Variants in ARHGAP26 observed in about 807,000 individuals in gnomAD.
ARHGAP26 encodes the protein Rho GTPase activating protein 26.
In ARHGAP26, 38 loss-of-function variants were observed where a neutral mutation model predicts 104.8. That is an observed-to-expected ratio of 0.36 (90% CI 0.28 to 0.48). ARHGAP26 has a LOEUF of 0.48. Among genes scored for constraint, ARHGAP26 ranks in the 20% least tolerant of loss-of-function variants. The pLI is 0.99. For synonymous variants in ARHGAP26, 341 were observed against 340.0 expected (o/e 1.00, Z -0.03); for missense variants, 704 against 947.9 (o/e 0.74, Z 3.38).
intron 12 of ARHGAP26, among the ~76,000 whole-genome samples, chr5:143,028,593 A>G (rs1781408619): frequency 6.6e-6 from 1 of 152,214 alleles, no homozygotes; most frequent in African/African-American, 2.4e-5. Flanking sequence ...TCATGTATTG[A>G]ATACCAAGTA....
intron 6 of ARHGAP26, among the ~76,000 whole-genome samples, chr5:142,897,888 A>T (rs2152440978): frequency 6.6e-6 from 1 of 152,306 alleles, no homozygotes; most frequent in South Asian, 2.1e-4. Context: ...TTGATTGCTT[A>T]CAGGTGGGAA....
intron 11 of ARHGAP26, among the ~76,000 whole-genome samples, chr5:142,942,585 G>A (rs2152562659): frequency 6.6e-6 from 1 of 152,176 alleles, no homozygotes; most frequent in Admixed American, 6.5e-5. Flanking sequence ...AAAATAAAAA[G>A]GTTTTTTGTT....
chr5:143,080,868 G>T (rs1166628125), intron 17 of ARHGAP26, among the ~76,000 whole-genome samples: 1 of 152,146 alleles, frequency 6.6e-6, no homozygotes, highest in African/African-American at 2.4e-5. Flanking sequence ...TGTTGGGGAG[G>T]CTGAAGCAGT....
chr5:142,955,172 G>T (rs1769043592), intron 11 of ARHGAP26, among the ~76,000 whole-genome samples: 1 of 151,904 alleles, frequency 6.6e-6, no homozygotes, highest in African/African-American at 2.4e-5. Context: ...GTGTTGGCAT[G>T]TGCCTTACTC....
chr5:143,143,526 A>C (rs1398951240), intron 19 of ARHGAP26, among the ~76,000 whole-genome samples: 1 of 152,240 alleles, frequency 6.6e-6, no homozygotes, highest in Non-Finnish European at 1.5e-5. Context: ...CAAAAAACAA[A>C]AACTCTGCCC....
In ARHGAP26 at chr5:143,226,485, GAAAAAAAAA is replaced by G. The variant is rs57822966; in HGVS notation, c.*4052_*4060del. On this transcript the variant is annotated 3_prime_UTR_variant, in exon 23 of 23. Coordinates refer to ENST00000645722, the MANE Select transcript of ARHGAP26 (RefSeq NM_001135608.3). ...GACAGAGCCAGACTCCGTCTCAAAG[GAAAAAAAAA>G]AAAAAAAAAAAAGAATGCCATGCCA... 3 of 139,290 alleles carry G rather than the reference GAAAAAAAAA, an allele frequency of 2.2e-5. No homozygotes were observed. The highest frequency in any genetic ancestry group is 2.1e-4 in the East Asian group (2 of 9,402). 8.6% of individuals were successfully genotyped at this position (139,290 alleles called of 1,614,324 possible).
chr5:142,943,645 C>T (rs1308257354), intron 11 of ARHGAP26, among the ~76,000 whole-genome samples: 7 of 152,110 alleles, frequency 4.6e-5, no homozygotes, highest in African/African-American at 1.7e-4. Context: ...ACCATAATGC[C>T]CACCTACCTT....
intron 21 of ARHGAP26, among the ~76,000 whole-genome samples, chr5:143,210,756 G>T (rs1458050582): frequency 6.6e-6 from 1 of 152,220 alleles, no homozygotes; most frequent in African/African-American, 2.4e-5. Context: ...TGCAAGGTTT[G>T]CAAGGGCATT....
At chr5:143,094,772 A>G (rs1792049691) in intron 17 of ARHGAP26, among the ~76,000 whole-genome samples, 1 of 152,000 alleles carries the variant, frequency 6.6e-6, no homozygotes, top group African/African-American at 2.4e-5. Flanking sequence ...AAAGAGAGTG[A>G]TGGGGTGAGT....
chr5:142,955,124 A>ACACACACAC (rs1234070600), intron 11 of ARHGAP26, among the ~76,000 whole-genome samples: 1 of 149,034 alleles, frequency 6.7e-6, no homozygotes, highest in South Asian at 2.1e-4. Flanking sequence ...ACACACACAC[A>ACACACACAC]CCCCCCATCT....
chr5:143,116,694 CCTT>C (rs1206360621), intron 17 of ARHGAP26, among the ~76,000 whole-genome samples: 3 of 152,210 alleles, frequency 2.0e-5, no homozygotes, highest in African/African-American at 7.2e-5. Context: ...TGATTTACCT[CCTT>C]CTGCCTCTCA....
chr5:142,860,840 CTG>C (rs1453344338), intron 1 of ARHGAP26, among the ~76,000 whole-genome samples: 1 of 152,160 alleles, frequency 6.6e-6, no homozygotes, highest in Non-Finnish European at 1.5e-5. Context: ...GGTTCCATTA[CTG>C]GTACTTAGTA....
chr5:142,813,217 A>G (rs148049304), intron 1 of ARHGAP26, among the ~76,000 whole-genome samples: 2,589 of 152,316 alleles, frequency 0.017, 46 homozygotes, highest in Non-Finnish European at 0.029. Flanking sequence ...CGGGGATTAC[A>G]GGCGTGAGCC....
intron 17 of ARHGAP26, among the ~76,000 whole-genome samples, chr5:143,105,373 T>C (rs1793842466): frequency 9.7e-6 from 1 of 103,372 alleles, no homozygotes; most frequent in African/African-American, 3.5e-5. Flanking sequence ...CGAAGCTCCA[T>C]CTCAAAAATA....
chr5:142,888,993 T>C (rs1352043326), intron 5 of ARHGAP26, among the ~76,000 whole-genome samples: 2 of 152,234 alleles, frequency 1.3e-5, no homozygotes, highest in Non-Finnish European at 2.9e-5. Context: ...GGATCCTGGC[T>C]TATAATTCCA....
At chr5:143,174,691 TC>T (rs1396334876) in intron 20 of ARHGAP26, among the ~76,000 whole-genome samples, 1 of 152,194 alleles carries the variant, frequency 6.6e-6, no homozygotes, top group East Asian at 1.9e-4. Context: ...TATACCTCTA[TC>T]CCATGGTTGT....
chr5:142,887,064 C>G (rs565580158), intron 5 of ARHGAP26, among the ~76,000 whole-genome samples: 3 of 152,314 alleles, frequency 2.0e-5, no homozygotes, highest in Admixed American at 6.5e-5. Context: ...TGTGGTTATT[C>G]TAGCACCTAC....
At chr5:142,971,651 T>C (rs750236519) in intron 11 of ARHGAP26, among the ~76,000 whole-genome samples, 4 of 152,164 alleles carry the variant, frequency 2.6e-5, no homozygotes, top group Non-Finnish European at 4.4e-5. Flanking sequence ...CCATTCTTTC[T>C]GCCAAAAAAG....
At chr5:142,866,774 C>T (rs558562477) in intron 1 of ARHGAP26, 14 of 152,238 alleles carry the variant, frequency 9.2e-5, no homozygotes, top group African/African-American at 3.4e-4. Context: ...GAAAAGCACG[C>T]AGATGTATGA....
Sources: gnomAD v4.1 joint callset for allele counts (sites outside exome capture counted in the v4.1 genomes callset) on GRCh38, gnomAD v4.1.1 for gene constraint, MANE v1.5 for transcripts, NCBI Gene and HGNC (gene_info 2026-07-23, HGNC 2026-07-21) for gene names.